PSG3: variants seen among roughly 807,000 people sequenced by gnomAD.
PSG3 encodes pregnancy-specific beta-1-glycoprotein 3.
A neutral mutation model predicts 47.5 loss-of-function variants in PSG3; 61 were observed. The ratio of observed to expected loss-of-function variants is 1.28; its 90% confidence interval spans 1.05 to 1.59. The LOEUF (loss-of-function observed/expected upper bound fraction) is 1.59, where lower values mean the gene tolerates loss of function less well. PSG3 is among the 40% of genes most tolerant of loss of function. The pLI is 0.00. For synonymous variants in PSG3, 263 were observed against 198.4 expected (o/e 1.33, Z -2.74); for missense variants, 756 against 524.0 (o/e 1.44, Z -4.32).
At chr19:42,733,929 C>T (rs1969518805) in intron 2 of PSG3, 1 of 152,018 alleles carries the variant, frequency 6.6e-6, no homozygotes, top group Non-Finnish European at 1.5e-5. Flanking sequence ...GAAGTCTGGC[C>T]CTCATGGACC....
At position 42,729,980 on chromosome 19, in the gene PSG3, A is replaced by G. The variant is rs1327286306; in HGVS notation, c.786T>C (p.Cys262=). Residue 262 remains cysteine (C), a synonymous_variant, in exon 4 of 7, where the codon TGT becomes TGC. Coordinates refer to ENST00000327495, the MANE Select transcript of PSG3 (RefSeq NM_021016.4). Reference sequence around the variant, plus strand: ...AGGTGTAGTTCTCACTCTTAGGTTCACAGGTGAAGGCTAAGACATCCTTAT... The same window carrying G: ...AGGTGTAGTTCTCACTCTTAGGTTCGCAGGTGAAGGCTAAGACATCCTTAT... The part of the protein sequence containing the change: ...RENKDVLAFT[C]EPKSENYTYI... 3 of 1,612,336 alleles carry G rather than the reference A, an allele frequency of 1.9e-6. No homozygotes were observed. Among genetic ancestry groups the G allele is most frequent in the East Asian group, 2.2e-5 (1 of 44,878 alleles).
intron 1 of PSG3, among the ~76,000 whole-genome samples, chr19:42,739,814 A>G (rs149416112): frequency 0.02 from 2,976 of 152,282 alleles, 107 homozygotes; most frequent in African/African-American, 0.068. Context: ...AATCAGGAAA[A>G]CAGAACACTT....
intron 5 of PSG3, among the ~76,000 whole-genome samples, chr19:42,727,298 G>C (rs116698066): frequency 6.6e-6 from 1 of 152,122 alleles, no homozygotes; most frequent in African/African-American, 2.4e-5. Flanking sequence ...ATATATCAAA[G>C]AACACTATCA....
rs2122207233 is a variant in PSG3 at position 42,740,367 on chromosome 19, G to T, written c.18C>A (p.Ala6=). The T allele has an allele frequency of 6.2e-7, 1 of 1,613,972 alleles. No individual in the cohort carries two copies. Among genetic ancestry groups the T allele is most frequent in the Non-Finnish European group, 8.5e-7 (1 of 1,179,898 alleles). The change falls in exon 1 of 7, where the codon GCC becomes GCA. Residue 6 remains alanine, a synonymous_variant. Coordinates refer to ENST00000327495, the MANE Select transcript of PSG3 (RefSeq NM_021016.4). MGPLS[A]PPCTQRITWK... The stretch of plus-strand genomic sequence containing the variant: ...AGGTGATGCGCTGTGTGCAGGGAGG[G>T]GCTGAGAGGGGCCCCATGGTCTCTG...
At chr19:42,724,523 T>C (rs1174315829) in intron 5 of PSG3, among the ~76,000 whole-genome samples, 1 of 152,220 alleles carries the variant, frequency 6.6e-6, no homozygotes, top group East Asian at 1.9e-4. Context: ...TCTAGTTCTC[T>C]GAGGCTCTCT....
chr19:42,734,744 G>A (rs1969533797), intron 2 of PSG3, among the ~76,000 whole-genome samples: 1 of 152,220 alleles, frequency 6.6e-6, no homozygotes, highest in African/African-American at 2.4e-5. Flanking sequence ...GACAGAACTG[G>A]TTAGTGTGTC....
chr19:42,736,636 GT>G (rs1969568307), intron 2 of PSG3, among the ~76,000 whole-genome samples: 1 of 151,600 alleles, frequency 6.6e-6, no homozygotes, highest in Non-Finnish European at 1.5e-5. Context: ...GTGTGTGTGT[GT>G]GTGTGTGTGT....
chr19:42,733,018 T>G lies in PSG3; in HGVS notation c.475A>C (p.Arg159=), dbSNP rs1969501854. ...AAGCTCACAGCCTCCATGTCCTCCC[T>G]GGGGTATAAGTTGCTGCTGGAGATG... ...PSISSSNLYP[R]EDMEAVSLTC... is the part of the protein sequence containing the mutation. Residue 159 remains arginine, a synonymous_variant, in exon 3 of 7, where the codon AGG becomes CGG. Coordinates refer to ENST00000327495, the MANE Select transcript of PSG3 (RefSeq NM_021016.4). 6.2e-7 allele frequency: 1 copy of G among 1,614,042 alleles called. No individual in the cohort carries two copies. Among genetic ancestry groups the G allele is most frequent in the African/African-American group, 1.3e-5 (1 of 74,902 alleles).
intron 6 of PSG3, 66 bp downstream of exon 6, chr19:42,723,876 T>A (rs1969333486): frequency 7.7e-7 from 1 of 1,305,088 alleles, no homozygotes. Flanking sequence ...CAAATAAGTC[T>A]TTTCCCTCTC....
intron 6 of PSG3, 137 bp downstream of exon 6, chr19:42,723,805 G>A (rs1969332560): frequency 1.4e-6 from 1 of 704,828 alleles, no homozygotes; most frequent in Admixed American, 2.4e-5. Context: ...GGAACTGCAG[G>A]AATTAGTGCT....
chr19:42,735,786 G>A (rs909987609), intron 2 of PSG3, among the ~76,000 whole-genome samples: 1 of 152,214 alleles, frequency 6.6e-6, no homozygotes, highest in Non-Finnish European at 1.5e-5. Context: ...TCTCTAGGAA[G>A]TGACCGGAGA....
intron 5 of PSG3, among the ~76,000 whole-genome samples, chr19:42,726,558 A>G (rs1211692637): frequency 1.3e-5 from 2 of 152,212 alleles, no homozygotes; most frequent in African/African-American, 4.8e-5. Context: ...AAAAGAATAA[A>G]ATATTTAGGA....
At chr19:42,729,707 G>T in intron 4 of PSG3, 71 bp downstream of exon 4, 1 of 1,574,622 alleles carries the variant, frequency 6.4e-7, no homozygotes. Context: ...GAGAGAGAGT[G>T]AGAGGCCTGG....
At chr19:42,729,679 G>A in intron 4 of PSG3, 99 bp downstream of exon 4, 3 of 1,570,052 alleles carry the variant, frequency 1.9e-6, no homozygotes, top group Non-Finnish European at 2.6e-6. Flanking sequence ...AGAAGTAATG[G>A]TATCTATACT....
intron 2 of PSG3, 43 bp downstream of exon 2, chr19:42,738,681 G>T: frequency 1.9e-6 from 3 of 1,612,390 alleles, no homozygotes; most frequent in Non-Finnish European, 2.5e-6. Context: ...GTGAAGTAAA[G>T]ACCCCATCCC....
chr19:42,740,155 T>C lies in PSG3; in HGVS notation c.64+166A>G, dbSNP rs1465715364. On this transcript the variant is annotated intron_variant, in intron 1 of 6. Coordinates refer to ENST00000327495, the MANE Select transcript of PSG3 (RefSeq NM_021016.4). ...TTTTAGTAGAGACAGGGCTTCACTG[T>C]GTTGGCCAGACTGATCTTGAACTCC... Among the ~76,000 whole-genome samples the C allele has an allele frequency of 2.0e-5, 3 of 152,106 alleles. 1 individual carries two copies. Among genetic ancestry groups the C allele is most frequent in the South Asian group, 4.1e-4 (2 of 4,824 alleles).
chr19:42,726,070 T>C (rs889663608), intron 5 of PSG3, among the ~76,000 whole-genome samples: 2 of 152,004 alleles, frequency 1.3e-5, no homozygotes, highest in African/African-American at 4.8e-5. Context: ...AGTAATAAGA[T>C]TGAATCAATA....
chr19:42,724,041 A>T lies in PSG3; in HGVS notation c.1244-16T>A. On this transcript the variant is annotated splice_polypyrimidine_tract_variant and intron_variant, in intron 5 of 6. Transcript: ENST00000327495. ...CCTGAAGGAGCTGTCATGGAAAAAA[A>T]AGAAAAGAAGGAATGAAGATGATGT... is the stretch of plus-strand genomic sequence containing the variant. The T allele has an allele frequency of 6.2e-7, 1 of 1,606,596 alleles. No individual in the cohort carries two copies. Among genetic ancestry groups the T allele is most frequent in the African/African-American group, 1.3e-5 (1 of 74,888 alleles).
intron 1 of PSG3, chr19:42,739,513 A>C (rs1312516193): frequency 5.5e-6 from 1 of 181,172 alleles, no homozygotes; most frequent in Non-Finnish European, 1.2e-5. Context: ...ACCTGACCTC[A>C]CATTCTAGAA....
Sources: allele counts gnomAD v4.1 joint callset (sites outside exome capture counted in the v4.1 genomes callset), GRCh38; gene constraint gnomAD v4.1.1; transcripts MANE v1.5; gene names NCBI Gene and HGNC (gene_info 2026-07-23, HGNC 2026-07-21).